ABRAXAS1: variants seen among roughly 807,000 people sequenced by gnomAD.
The protein encoded by ABRAXAS1 is BRCA1-A complex subunit Abraxas 1.
A neutral mutation model predicts 38.4 loss-of-function variants in ABRAXAS1; 26 were observed. The ratio of observed to expected loss-of-function variants is 0.68; its 90% CI spans 0.50 to 0.94. The LOEUF (loss-of-function observed/expected upper bound fraction) is 0.94. Among genes scored for constraint, ABRAXAS1 ranks in the 40% least tolerant of loss-of-function variants. The pLI, the probability that ABRAXAS1 is intolerant of heterozygous loss-of-function variation, is 0.00. For missense variants in ABRAXAS1, 438 were observed against 481.9 expected (o/e 0.91, Z 0.85); for synonymous variants, 144 against 165.5 (o/e 0.87, Z 1.00).
intron 5 of ABRAXAS1, chr4:83,469,975 C>A: frequency 2.6e-6 from 1 of 378,140 alleles, no homozygotes; most frequent in Non-Finnish European, 4.7e-6. Flanking sequence ...AAGAGCAAAT[C>A]TTCAGTGCCA....
rs535462791 is a variant in ABRAXAS1, at chr4:83,469,139, C to A, written c.489G>T (p.Arg163Ser). Reference sequence around the variant, plus strand: ...CCAGATTGGCAACCACTAAAGGTACCCTGTGAAAAAGTCTGACAAAATAAA... The same window carrying A: ...CCAGATTGGCAACCACTAAAGGTACACTGTGAAAAAGTCTGACAAAATAAA... Reference protein sequence around the residue: ...LYKPQKGLFHRVPLVVANLGM... With the variant: ...LYKPQKGLFHSVPLVVANLGM... The change falls in exon 6 of 9, where the codon AGG becomes AGT. Residue 163 changes from arginine to serine, a missense_variant. Around this residue, in one of 3 missense-constraint regions of ABRAXAS1, gnomAD observed 194 missense variants for 269.0 expected, o/e 0.72. Transcript: ENST00000321945. The A allele has an allele frequency of 1.4e-5, 22 of 1,613,390 alleles. No individual in the cohort carries two copies. In the South Asian group the frequency reaches 2.2e-4, roughly 16 times the overall value.
chr4:83,459,916 C>A lies in ABRAXAS1; in HGVS notation c.*2553G>T. ...CTATAAATTACTACTAGATCAGATACTACAGGGACTAGAGCTAGTTACTAT... is the reference window on the plus strand; with the variant it reads ...CTATAAATTACTACTAGATCAGATAATACAGGGACTAGAGCTAGTTACTAT... On this transcript the variant is annotated 3_prime_UTR_variant, in exon 9 of 9. Transcript: ENST00000321945. 1 of 771,024 alleles carries A rather than the reference C, an allele frequency of 1.3e-6. No individual in the cohort carries two copies. The highest frequency in any genetic ancestry group is 2.1e-6 in the Non-Finnish European group (1 of 479,746). 47.8% of individuals were successfully genotyped at this position (771,024 alleles called of 1,614,324 possible).
intron 5 of ABRAXAS1, 61 bp from the exon 6 acceptor site, chr4:83,469,212 G>T: frequency 7.0e-7 from 1 of 1,424,262 alleles, no homozygotes; most frequent in Non-Finnish European, 9.9e-7. Context: ...GTATCTACCT[G>T]CTGGAATAGA....
chr4:83,462,100 C>T lies in ABRAXAS1; in HGVS notation c.*369G>A. On this transcript the variant is annotated 3_prime_UTR_variant, in exon 9 of 9. Transcript: ENST00000321945. ...AATAGACATGGTCTCAATACGTTGC[C>T]CAGGCTGGTCTCTAACTCCTAACTT... 1 of 241,864 alleles carries T rather than the reference C, an allele frequency of 4.1e-6. No individual in the cohort carries two copies. The highest frequency in any genetic ancestry group is 8.0e-6 in the Non-Finnish European group (1 of 124,850). The allele number at this position is 241,864 out of a possible 1,614,324, so 15.0% of individuals were successfully genotyped here.
rs765284026 is a variant in ABRAXAS1 at position 83,462,448 on chromosome 4, C to T, written c.*21G>A. 3 of 1,568,382 alleles carry T rather than the reference C, an allele frequency of 1.9e-6. No individual in the cohort carries two copies. In the South Asian group the frequency reaches 3.6e-5, roughly 19 times the overall value. On this transcript the variant is annotated 3_prime_UTR_variant, in exon 9 of 9. Transcript: ENST00000321945. ...TTACCCATCAGCCAAATAAAAAAAT[C>T]TCCTTGTAAGGTTAAAAGGATCAAA...
chr4:83,461,119 A>G lies in ABRAXAS1; in HGVS notation c.*1350T>C, dbSNP rs1722091466. ...TCAAGAACTTTAATTATCTCTTTAC[A>G]GGGTTTATGCCAGTTACATACAAGG... On this transcript the variant is annotated 3_prime_UTR_variant, in exon 9 of 9. Coordinates refer to ENST00000321945, the MANE Select transcript of ABRAXAS1 (RefSeq NM_139076.3). 1.2e-6 allele frequency: 2 copies of G among 1,613,586 alleles called. No individual in the cohort carries two copies. The highest frequency in any genetic ancestry group is 1.7e-6 in the Non-Finnish European group (2 of 1,179,784).
intron 1 of ABRAXAS1, chr4:83,484,291 G>A: frequency 1.3e-6 from 1 of 797,832 alleles, no homozygotes; most frequent in African/African-American, 1.9e-5. Flanking sequence ...GTGTATTTCA[G>A]ATGCTTAGAC....
In ABRAXAS1 at chr4:83,485,093, C is replaced by T. The variant is rs747086035; in HGVS notation, c.-21G>A. ...TCCATGCTACCGCCGCCTCAGGCTA[C>T]ACAAGAGGACGAGGGCGGGGCGCGC... On this transcript the variant is annotated 5_prime_UTR_variant, in exon 1 of 9. Coordinates refer to ENST00000321945, the MANE Select transcript of ABRAXAS1 (RefSeq NM_139076.3). 2.6e-6 allele frequency: 4 copies of T among 1,560,360 alleles called. No homozygotes were observed. In the Admixed American group the frequency reaches 7.2e-5, roughly 28 times the overall value.
chr4:83,485,040 C>G lies in ABRAXAS1; in HGVS notation c.33G>C (p.Ser11=), dbSNP rs368088450. The part of the protein sequence containing the change: MEGESTSAVL[S]GFVLGALAFQ... ...AAGCGAGTGCGCCGAGCACAAAGCC[C>G]GAGAGCACCGCCGACGTACTCTCCC... The change falls in exon 1 of 9, where the codon TCG becomes TCC. Residue 11 remains serine (S), a synonymous_variant. Transcript: ENST00000321945. The G allele has an allele frequency of 2.5e-4, 403 of 1,595,504 alleles. 1 individual carries two copies. In the East Asian group the frequency reaches 5.8e-3, roughly 23 times the overall value.
At position 83,462,321 on chromosome 4, in the gene ABRAXAS1, T is replaced by C. The variant is rs780278397; in HGVS notation, c.*148A>G. 26 of 675,364 alleles carry C rather than the reference T, an allele frequency of 3.8e-5. No homozygotes were observed. The highest frequency in any genetic ancestry group is 6.2e-5 in the Non-Finnish European group (25 of 400,848). The allele number at this position is 675,364 out of a possible 1,614,324, so 41.8% of individuals were successfully genotyped here. On this transcript the variant is annotated 3_prime_UTR_variant, in exon 9 of 9. Transcript: ENST00000321945. The stretch of plus-strand genomic sequence containing the variant: ...AAAGTACTTTGTGAAGTAAATGCAC[T>C]AAGAGTTATCTGTGTATTACTGCAA...
In ABRAXAS1 at chr4:83,470,104, C is replaced by T. The variant is rs111929358; in HGVS notation, c.476+99G>A. On this transcript the variant is annotated intron_variant, in intron 5 of 8. Coordinates refer to ENST00000321945, the MANE Select transcript of ABRAXAS1 (RefSeq NM_139076.3). ...TGAAGGTTATCGTGACAATCTGATGCGACAATATATGAGAACACTTTGTAA... is the reference window on the plus strand; with the variant it reads ...TGAAGGTTATCGTGACAATCTGATGTGACAATATATGAGAACACTTTGTAA... 2.1e-3 allele frequency: 1,734 copies of T among 826,918 alleles called. 17 individuals are homozygous for T. The highest frequency in any genetic ancestry group is 0.01 in the South Asian group (419 of 41,448). 51.2% of individuals were successfully genotyped at this position (826,918 alleles called of 1,614,324 possible).
intron 2 of ABRAXAS1, chr4:83,478,727 T>C (rs1722875534): frequency 5.6e-6 from 1 of 177,140 alleles, no homozygotes; most frequent in Non-Finnish European, 1.2e-5. Flanking sequence ...GTGGGTTAAA[T>C]GTAACTGGTT....
chr4:83,477,872 T>A, intron 2 of ABRAXAS1: 1 of 744,332 alleles, frequency 1.3e-6, no homozygotes, highest in Non-Finnish European at 2.5e-6. Flanking sequence ...TGAAACTCTT[T>A]TAATCAACAT....
At chr4:83,470,178 C>T (rs1722525671) in intron 5 of ABRAXAS1, 25 bp downstream of exon 5, 4 of 1,563,696 alleles carry the variant, frequency 2.6e-6, no homozygotes, top group South Asian at 1.2e-5. Flanking sequence ...TAGTTTAATA[C>T]AGCCAGTGAC....
chr4:83,461,032 G>T lies in ABRAXAS1; in HGVS notation c.*1437C>A. The T allele has an allele frequency of 6.2e-7, 1 of 1,612,594 alleles. No individual in the cohort carries two copies. On this transcript the variant is annotated 3_prime_UTR_variant, in exon 9 of 9. Transcript: ENST00000321945. ...AGCAATTAAGAGAGCTCAAATAATGGGTAAGAAAGAATACCTCAACAACTG... is the reference window on the plus strand; with the variant it reads ...AGCAATTAAGAGAGCTCAAATAATGTGTAAGAAAGAATACCTCAACAACTG...
At chr4:83,467,431 A>G (rs1722413115) in intron 7 of ABRAXAS1, 23 bp downstream of exon 7, 8 of 1,241,804 alleles carry the variant, frequency 6.4e-6, no homozygotes, top group Non-Finnish European at 8.3e-6. Flanking sequence ...GAAGTGGTTG[A>G]CGTGTTTGAT....
rs1191384787 is a variant in ABRAXAS1, at chr4:83,463,502, T to C, written c.788A>G (p.Gln263Arg). Reference protein sequence around the residue: ...EIEKRRGAQIQAAREKNIQKD... With the variant: ...EIEKRRGAQIRAAREKNIQKD... ...ATGTGTTGTTTACTTACTTGCTGCC[T>C]GAATCTGTGCTCCTCTCCTTTTCTC... The change falls in exon 8 of 9, where the codon CAG becomes CGG. Residue 263 changes from glutamine to arginine, a missense_variant. By Grantham distance (43) the Gln-to-Arg change is conservative. Around this residue, in one of 3 missense-constraint regions of ABRAXAS1, gnomAD observed 184 missense variants for 181.9 expected, o/e 1.01. Transcript: ENST00000321945. 6.3e-7 allele frequency: 1 copy of C among 1,597,894 alleles called. No homozygotes were observed. Among genetic ancestry groups the C allele is most frequent in the Non-Finnish European group, 8.5e-7 (1 of 1,172,758 alleles).
intron 1 of ABRAXAS1, 192 bp downstream of exon 1, chr4:83,484,794 G>A: frequency 2.2e-6 from 1 of 464,406 alleles, no homozygotes; most frequent in Non-Finnish European, 3.9e-6. Flanking sequence ...GAGGGCTAAT[G>A]CTGGAGAAGA....
Position 83,470,240 on chromosome 4 carries a change from G to A in ABRAXAS1, c.439C>T (p.His147Tyr). The change falls in exon 5 of 9, where the codon CAT becomes TAT. Residue 147 changes from histidine (H) to tyrosine (Y), a missense_variant. Transcript: ENST00000321945. Reference protein sequence around the residue: ...PSIITESCSTHRLEHSLYKPQ... With the variant: ...PSIITESCSTYRLEHSLYKPQ... Reference sequence around the variant, plus strand: ...TTATATAAGGAATGTTCCAGTCGATGAGTAGAGCAGCTTTCTGTTATTATA... The same window carrying A: ...TTATATAAGGAATGTTCCAGTCGATAAGTAGAGCAGCTTTCTGTTATTATA... The A allele has an allele frequency of 6.2e-7, 1 of 1,613,626 alleles. No individual in the cohort carries two copies. Among genetic ancestry groups the A allele is most frequent in the Non-Finnish European group, 8.5e-7 (1 of 1,179,670 alleles).
Sources: allele counts gnomAD v4.1 joint callset, GRCh38; gene constraint gnomAD v4.1.1; regional missense constraint gnomAD v4.1.1; transcripts MANE v1.5; gene names NCBI Gene and HGNC (gene_info 2026-07-23, HGNC 2026-07-21).